ZRANB3: variants seen among roughly 807,000 people sequenced by gnomAD.
ZRANB3 encodes zinc finger RANBP2-type containing 3.
A neutral mutation model predicts 133.8 loss-of-function variants in ZRANB3; 125 were observed. The observed-to-expected ratio is 0.93, with a 90% CI of 0.81 to 1.08. The LOEUF is 1.08. Ranked by LOEUF, ZRANB3 falls within the 50% of genes least tolerant of loss-of-function variation. The pLI, the probability that ZRANB3 is intolerant of heterozygous loss-of-function variation, is 0.00. For synonymous variants in ZRANB3, 387 were observed against 432.7 expected (o/e 0.89, Z 1.31); for missense variants, 1,229 against 1,275.5 (o/e 0.96, Z 0.56).
chr2:135,523,933 G>A lies in ZRANB3; in HGVS notation c.-8+7194C>T, dbSNP rs570611273. Among the ~76,000 whole-genome samples, 52 of 152,272 alleles carry A rather than the reference G, an allele frequency of 3.4e-4. No individual in the cohort carries two copies. The South Asian group carries it at 9.1e-3, about 27-fold the overall frequency. Reference sequence around the variant, plus strand: ...CTTGGAGAAGGCTGTGAAGTACAGTGGGATAAACAGTTTTAAGTTACAGAT... The same window carrying A: ...CTTGGAGAAGGCTGTGAAGTACAGTAGGATAAACAGTTTTAAGTTACAGAT... On this transcript the variant is annotated intron_variant, in intron 1 of 20. Transcript: ENST00000264159.
At chr2:135,385,608 C>T (rs759090965) in intron 3 of ZRANB3, among the ~76,000 whole-genome samples, 5 of 152,114 alleles carry the variant, frequency 3.3e-5, no homozygotes, top group Non-Finnish European at 7.4e-5. Flanking sequence ...CTACAGTAAC[C>T]AAAACAGCAT....
chr2:135,359,722 A>ACACT lies in ZRANB3; in HGVS notation c.181-6098_181-6095dup, dbSNP rs77954386. Among the ~76,000 whole-genome samples, 6 of 152,336 alleles carry ACACT rather than the reference A, an allele frequency of 3.9e-5. No homozygotes were observed. The East Asian group carries it at 5.8e-4, about 15-fold the overall frequency. ...CCCTATGGTATTAGGACTGACACTG[A>ACACT]CACTCAGTTTTTGTCCAGCTATCTT... On this transcript the variant is annotated intron_variant, in intron 3 of 20. Transcript: ENST00000264159.
chr2:135,204,880 A>G (rs1267111817), intron 19 of ZRANB3, among the ~76,000 whole-genome samples: 2 of 151,330 alleles, frequency 1.3e-5, no homozygotes, highest in African/African-American at 4.9e-5. Context: ...TTAGATGTCT[A>G]TTATATTACT....
chr2:135,242,312 C>G (rs1171901225), intron 12 of ZRANB3, among the ~76,000 whole-genome samples: 1 of 151,982 alleles, frequency 6.6e-6, no homozygotes, highest in Non-Finnish European at 1.5e-5. Flanking sequence ...GTAAAAAGGA[C>G]AGAAAACAAG....
chr2:135,366,394 AC>A (rs1397874181), intron 3 of ZRANB3, among the ~76,000 whole-genome samples: 2 of 152,228 alleles, frequency 1.3e-5, no homozygotes, highest in Admixed American at 1.3e-4. Flanking sequence ...CAAGAGGAAA[AC>A]AAAATGCTGG....
intron 2 of ZRANB3, among the ~76,000 whole-genome samples, chr2:135,482,156 G>T (rs1384564206): frequency 6.6e-4 from 92 of 140,342 alleles, no homozygotes; most frequent in African/African-American, 2.6e-3. Flanking sequence ...TGTGAAGAAA[G>T]GCATTGGTAG....
At chr2:135,486,719 G>T (rs564965957) in intron 2 of ZRANB3, among the ~76,000 whole-genome samples, 1 of 152,106 alleles carries the variant, frequency 6.6e-6, no homozygotes, top group Non-Finnish European at 1.5e-5. Flanking sequence ...TTGCCATGTT[G>T]ACTAGGCTGG....
chr2:135,504,125 T>G (rs1344913454), intron 2 of ZRANB3: 2 of 652,456 alleles, frequency 3.1e-6, no homozygotes, highest in African/African-American at 1.8e-5. Context: ...TGAACATACT[T>G]TCTCTTAAGA....
chr2:135,278,540 A>G (rs2104778578), intron 8 of ZRANB3, among the ~76,000 whole-genome samples: 1 of 152,300 alleles, frequency 6.6e-6, no homozygotes, highest in East Asian at 1.9e-4. Flanking sequence ...GCAGGCCTAA[A>G]GAGTAACAGT....
intron 6 of ZRANB3, among the ~76,000 whole-genome samples, chr2:135,335,131 G>C (rs1435682162): frequency 6.6e-6 from 1 of 151,678 alleles, no homozygotes. Context: ...ACAATCTTTA[G>C]GTATGTCTAT....
At chr2:135,278,554 G>A (rs930460462) in intron 8 of ZRANB3, among the ~76,000 whole-genome samples, 3 of 152,140 alleles carry the variant, frequency 2.0e-5, no homozygotes, top group African/African-American at 7.2e-5. Flanking sequence ...TAACAGTTCA[G>A]ACTGGAGCTA....
In ZRANB3 at chr2:135,398,551, C is replaced by T. The variant is rs187616724; in HGVS notation, c.162-7731G>A. On this transcript the variant is annotated intron_variant, in intron 2 of 20. Coordinates refer to ENST00000264159, the MANE Select transcript of ZRANB3 (RefSeq NM_032143.4). ...TTTTTTTTTTTGAGATGGAGTCTTG[C>T]TCTGTCGCCCAGGCTGGAGTGCAGT... 3.0e-3 allele frequency among the ~76,000 whole-genome samples: 386 copies of T among 126,726 alleles called. 5 individuals carry two copies. The South Asian group carries it at 0.035, about 11-fold the overall frequency. The allele number at this position is 126,726 out of a possible 152,430, so 83.1% of individuals were successfully genotyped here.
chr2:135,371,404 CATTAA>C (rs1686171122), intron 3 of ZRANB3, among the ~76,000 whole-genome samples: 1 of 152,280 alleles, frequency 6.6e-6, no homozygotes, highest in African/African-American at 2.4e-5. Flanking sequence ...TGAACTTAAA[CATTAA>C]ATTCCAGGAG....
chr2:135,455,965 C>A (rs1206798895), intron 2 of ZRANB3, among the ~76,000 whole-genome samples: 1 of 152,114 alleles, frequency 6.6e-6, no homozygotes, highest in Non-Finnish European at 1.5e-5. Flanking sequence ...ATAAAATATT[C>A]CACATCTCTA....
At chr2:135,369,772 C>T (rs919124205) in intron 3 of ZRANB3, among the ~76,000 whole-genome samples, 2 of 152,136 alleles carry the variant, frequency 1.3e-5, no homozygotes, top group Admixed American at 6.5e-5. Context: ...GAGGGTTGCT[C>T]AGTCAATAAA....
At chr2:135,323,296 C>T (rs1358155106) in intron 6 of ZRANB3, among the ~76,000 whole-genome samples, 2 of 152,068 alleles carry the variant, frequency 1.3e-5, no homozygotes, top group Non-Finnish European at 2.9e-5. Context: ...GCAAATGTAA[C>T]AGAATGTTTA....
At chr2:135,360,024 A>C (rs1392725414) in intron 3 of ZRANB3, among the ~76,000 whole-genome samples, 1 of 152,216 alleles carries the variant, frequency 6.6e-6, no homozygotes. Flanking sequence ...CCATTAAAGA[A>C]AGGAATAATA....
rs574731825 is a variant in ZRANB3, at chr2:135,431,147, C to T, written c.162-40327G>A. ...AATAAATAAATAAAATAAAAATGAG[C>T]TGAGTGTGGTGGCACATACCTATAA... is the stretch of plus-strand genomic sequence containing the variant. On this transcript the variant is annotated intron_variant, in intron 2 of 20. Transcript: ENST00000264159. Among the ~76,000 whole-genome samples the T allele has an allele frequency of 2.7e-5, 4 of 150,910 alleles. No homozygotes were observed. The East Asian group carries it at 5.8e-4, about 22-fold the overall frequency.
At position 135,342,985 on chromosome 2, in the gene ZRANB3, C is replaced by G. The variant is rs1028601733; in HGVS notation, c.677+2565G>C. Among the ~76,000 whole-genome samples the G allele has an allele frequency of 2.3e-4, 28 of 120,314 alleles. No homozygotes were observed. In the Admixed American group the frequency reaches 2.8e-3, roughly 12 times the overall value. 78.9% of individuals were successfully genotyped at this position (120,314 alleles called of 152,430 possible). A position where few individuals can be genotyped will look rare whatever the true frequency, so the allele number is the denominator to read the frequency against. ...TTCAAGACCAGCCTGGCCAATATGG[C>G]GAAACCCTGTCTCTACTAAAAATCC... On this transcript the variant is annotated intron_variant, in intron 6 of 20. Transcript: ENST00000264159.
Sources: gnomAD v4.1 joint callset for allele counts (sites outside exome capture counted in the v4.1 genomes callset) on GRCh38, gnomAD v4.1.1 for gene constraint, MANE v1.5 for transcripts, NCBI Gene and HGNC (gene_info 2026-07-23, HGNC 2026-07-21) for gene names.